The following EPHB1 variants were observed in gnomAD, a reference collection of about 807,000 sequenced individuals.
The protein encoded by EPHB1 is EPH receptor B1.
Under a neutral mutation model 94.4 loss-of-function variants are expected in EPHB1, and 30 were observed. The ratio of observed to expected loss-of-function variants is 0.32; its 90% CI spans 0.24 to 0.43. The LOEUF is 0.43. EPHB1 is among the 20% of genes least tolerant of loss of function. The pLI, the probability that EPHB1 is intolerant of heterozygous loss-of-function variation, is 1.00. For missense variants in EPHB1, 1,055 were observed against 1,308.3 expected (o/e 0.81, Z 2.99); for synonymous variants, 522 against 489.1 (o/e 1.07, Z -0.89).
intron 1 of EPHB1, among the ~76,000 whole-genome samples, chr3:134,867,759 A>G (rs1296150410): frequency 6.6e-6 from 1 of 152,146 alleles, no homozygotes; most frequent in African/African-American, 2.4e-5. Flanking sequence ...CTCAGCCCCT[A>G]TTACCCGCCC....
chr3:135,203,793 T>C (rs1942822852), intron 12 of EPHB1, among the ~76,000 whole-genome samples: 1 of 152,196 alleles, frequency 6.6e-6, no homozygotes, highest in Admixed American at 6.5e-5. Context: ...CTCTGTGATC[T>C]GGGGTGTCTT....
At chr3:135,133,167 G>T in intron 5 of EPHB1, 118 bp downstream of exon 5, 1 of 1,021,368 alleles carries the variant, frequency 9.8e-7, no homozygotes, top group Non-Finnish European at 1.4e-6. Flanking sequence ...CTCTGCCCAG[G>T]AGTGAAGGTG....
In EPHB1 at chr3:135,144,683, G is replaced by A. The variant is rs566475343; in HGVS notation, c.1298-9469G>A. Reference sequence around the variant, plus strand: ...CCACATTCCCCTTTGGCACGGAACCGAAACCCTTAGTGGATGGACCAGTGA... The same window carrying A: ...CCACATTCCCCTTTGGCACGGAACCAAAACCCTTAGTGGATGGACCAGTGA... On this transcript the variant is annotated intron_variant, in intron 5 of 15. Coordinates refer to ENST00000398015, the MANE Select transcript of EPHB1 (RefSeq NM_004441.5). Among the ~76,000 whole-genome samples the A allele has an allele frequency of 2.6e-4, 39 of 151,988 alleles. 1 individual carries two copies. Among genetic ancestry groups the A allele is most frequent in the Admixed American group, 2.4e-3 (36 of 15,270 alleles).
intron 15 of EPHB1, among the ~76,000 whole-genome samples, chr3:135,256,285 T>C (rs1292208651): frequency 1.3e-5 from 2 of 152,258 alleles, no homozygotes; most frequent in East Asian, 1.9e-4. Context: ...TTATTTTGCT[T>C]GTTAGTTGAT....
chr3:134,888,870 A>C (rs1011603860), intron 1 of EPHB1, among the ~76,000 whole-genome samples: 2 of 151,972 alleles, frequency 1.3e-5, no homozygotes, highest in African/African-American at 4.8e-5. Flanking sequence ...GGTGGACACA[A>C]TCTCTGCTCT....
chr3:134,924,929 G>C (rs2038760356), intron 1 of EPHB1, among the ~76,000 whole-genome samples: 1 of 152,220 alleles, frequency 6.6e-6, no homozygotes, highest in Non-Finnish European at 1.5e-5. Context: ...GCAGGAGGAA[G>C]AAAAGGATTA....
chr3:134,882,765 C>CCTTTCTTTCTTT (rs1553861896), intron 1 of EPHB1, among the ~76,000 whole-genome samples: 75 of 79,922 alleles, frequency 9.4e-4, no homozygotes, highest in African/African-American at 3.3e-3. Context: ...TTCCTTCCTT[C>CCTTTCTTTCTTT]CTTTCTTTCT....
At chr3:134,841,762 A>T (rs1453749765) in intron 1 of EPHB1, among the ~76,000 whole-genome samples, 1 of 152,168 alleles carries the variant, frequency 6.6e-6, no homozygotes, top group Non-Finnish European at 1.5e-5. Flanking sequence ...AGGTTTAATA[A>T]AATATTCCTT....
chr3:134,864,864 C>A (rs531770880), intron 1 of EPHB1, among the ~76,000 whole-genome samples: 2 of 152,180 alleles, frequency 1.3e-5, no homozygotes, highest in Non-Finnish European at 2.9e-5. Context: ...AGGGCTGTCC[C>A]GGAGTGGCTC....
At chr3:135,002,212 A>G (rs950425335) in intron 3 of EPHB1, among the ~76,000 whole-genome samples, 1 of 152,182 alleles carries the variant, frequency 6.6e-6, no homozygotes, top group African/African-American at 2.4e-5. Context: ...TGTAATCTCC[A>G]TGGGTCCAGA....
intron 1 of EPHB1, among the ~76,000 whole-genome samples, chr3:134,827,067 T>A (rs2036493142): frequency 6.6e-6 from 1 of 152,234 alleles, no homozygotes; most frequent in African/African-American, 2.4e-5. Context: ...CTGCAGCATC[T>A]CCTGCATCAA....
intron 3 of EPHB1, among the ~76,000 whole-genome samples, chr3:135,071,473 GCTT>G (rs1264075062): frequency 2.6e-5 from 4 of 152,316 alleles, no homozygotes; most frequent in Admixed American, 1.3e-4. Flanking sequence ...GATTTAGGTG[GCTT>G]CTTCTGAGAG....
intron 3 of EPHB1, among the ~76,000 whole-genome samples, chr3:135,046,772 C>T (rs1937011561): frequency 6.6e-6 from 1 of 152,304 alleles, no homozygotes; most frequent in East Asian, 1.9e-4. Context: ...CTTTTATTCT[C>T]CTCTAACATG....
At chr3:134,865,414 A>G (rs890304791) in intron 1 of EPHB1, among the ~76,000 whole-genome samples, 29 of 152,136 alleles carry the variant, frequency 1.9e-4, no homozygotes, top group African/African-American at 6.8e-4. Flanking sequence ...AGTTCTTAAT[A>G]AGGATCTTTT....
chr3:135,197,982 A>G (rs983440489), intron 11 of EPHB1, among the ~76,000 whole-genome samples: 2 of 152,226 alleles, frequency 1.3e-5, no homozygotes, highest in Non-Finnish European at 2.9e-5. Flanking sequence ...CGAATTCAGC[A>G]GACATGACCC....
chr3:134,960,053 G>A (rs535491133), intron 3 of EPHB1, among the ~76,000 whole-genome samples: 2 of 131,468 alleles, frequency 1.5e-5, no homozygotes, highest in South Asian at 5.1e-4. Flanking sequence ...AGATGGAGAT[G>A]AAAAATTATA....
intron 1 of EPHB1, among the ~76,000 whole-genome samples, chr3:134,896,212 A>G (rs906199558): frequency 3.3e-5 from 5 of 150,740 alleles, no homozygotes; most frequent in African/African-American, 1.2e-4. Context: ...ACGGGCCCAT[A>G]AGCTCCTTCG....
chr3:135,145,532 C>G (rs888808083), intron 5 of EPHB1, among the ~76,000 whole-genome samples: 1 of 152,220 alleles, frequency 6.6e-6, no homozygotes, highest in Non-Finnish European at 1.5e-5. Flanking sequence ...AGCTCTGATT[C>G]ACCCAGAGCA....
chr3:134,996,713 C>T lies in EPHB1; in HGVS notation c.805+44661C>T, dbSNP rs527608359. Among the ~76,000 whole-genome samples, 19 of 152,038 alleles carry T rather than the reference C, an allele frequency of 1.2e-4. No homozygotes were observed. In the South Asian group the frequency reaches 2.3e-3, roughly 18 times the overall value. On this transcript the variant is annotated intron_variant, in intron 3 of 15. Transcript: ENST00000398015. Reference sequence around the variant, plus strand: ...ATTTGTTAGTCTGATAGCTGAAAAACGTTAAATCTTAGTTATATTAATTTG... The same window carrying T: ...ATTTGTTAGTCTGATAGCTGAAAAATGTTAAATCTTAGTTATATTAATTTG...
Sources: allele counts gnomAD v4.1 joint callset (sites outside exome capture counted in the v4.1 genomes callset), GRCh38; gene constraint gnomAD v4.1.1; transcripts MANE v1.5; gene names NCBI Gene and HGNC (gene_info 2026-07-23, HGNC 2026-07-21).